The following ODAD2 variants were observed in gnomAD, a reference collection of about 807,000 sequenced individuals.
ODAD2 encodes outer dynein arm docking complex subunit 2.
ODAD2 carries 89 observed loss-of-function variants against 106.8 expected under a neutral mutation model. The observed-to-expected ratio is 0.83, with a 90% CI of 0.70 to 0.99. The LOEUF (loss-of-function observed/expected upper bound fraction) is 0.99. Among genes scored for constraint, ODAD2 ranks in the 50% least tolerant of loss-of-function variants. The pLI, the probability that ODAD2 is intolerant of heterozygous loss-of-function variation, is 0.00. For synonymous variants in ODAD2, 404 were observed against 436.2 expected, an observed-to-expected ratio of 0.93 and a Z score of 0.92; for missense variants, 1,168 against 1,238.5, an observed-to-expected ratio of 0.94 and a Z score of 0.85.
intron 17 of ODAD2, among the ~76,000 whole-genome samples, chr10:27,892,956 C>T (rs1842651886): frequency 6.6e-6 from 1 of 152,138 alleles, no homozygotes; most frequent in Non-Finnish European, 1.5e-5. Context: ...TGAGACCAGC[C>T]TGACCAACAT....
chr10:27,848,728 A>G (rs1839001409), intron 19 of ODAD2, among the ~76,000 whole-genome samples: 1 of 152,104 alleles, frequency 6.6e-6, no homozygotes, highest in African/African-American at 2.4e-5. Flanking sequence ...AACTCCATCA[A>G]AAAGTGGGCA....
chr10:27,857,395 T>C (rs1839732632), intron 19 of ODAD2, among the ~76,000 whole-genome samples: 1 of 152,192 alleles, frequency 6.6e-6, no homozygotes, highest in African/African-American at 2.4e-5. Context: ...AGTTAAGTTC[T>C]GGGGCAGTCA....
intron 3 of ODAD2, among the ~76,000 whole-genome samples, chr10:27,986,762 T>C (rs1849896884): frequency 6.6e-6 from 1 of 151,946 alleles, no homozygotes; most frequent in Non-Finnish European, 1.5e-5. Flanking sequence ...GCAACCACAT[T>C]CATTTTTTGC....
intron 12 of ODAD2, among the ~76,000 whole-genome samples, chr10:27,943,932 G>A (rs1400905317): frequency 6.6e-6 from 1 of 150,762 alleles, no homozygotes; most frequent in Non-Finnish European, 1.5e-5. Flanking sequence ...TACCTCCCAT[G>A]CATGTATACT....
intron 17 of ODAD2, among the ~76,000 whole-genome samples, chr10:27,888,005 G>A (rs907308879): frequency 7.9e-5 from 12 of 152,018 alleles, no homozygotes; most frequent in African/African-American, 2.9e-4. Context: ...CAGAAAATCT[G>A]AACAGATCAG....
intron 19 of ODAD2, among the ~76,000 whole-genome samples, chr10:27,847,809 C>T (rs909749324): frequency 1.3e-5 from 2 of 152,064 alleles, no homozygotes; most frequent in Non-Finnish European, 2.9e-5. Context: ...CATGAGTGAA[C>T]TCCCATTCAC....
At chr10:27,879,940 G>T (rs935232714) in intron 17 of ODAD2, among the ~76,000 whole-genome samples, 1 of 152,014 alleles carries the variant, frequency 6.6e-6, no homozygotes. Context: ...CTCATTTATC[G>T]AAGTTCCTCT....
intron 19 of ODAD2, among the ~76,000 whole-genome samples, chr10:27,858,595 T>C (rs1839821431): frequency 6.6e-6 from 1 of 152,118 alleles, no homozygotes; most frequent in South Asian, 2.1e-4. Context: ...TCTTATTGCC[T>C]TTCTTTTTCT....
intron 19 of ODAD2, among the ~76,000 whole-genome samples, chr10:27,852,960 C>CAAAAAAAAAAAAAAAAAA (rs61548333): frequency 1.2e-5 from 1 of 84,758 alleles, no homozygotes; most frequent in Non-Finnish European, 2.3e-5. Context: ...GACACAGTCT[C>CAAAAAAAAAAAAAAAAAA]AAAAAAAAAA....
chr10:27,962,583 G>C (rs1304852390), intron 9 of ODAD2, among the ~76,000 whole-genome samples: 2 of 152,350 alleles, frequency 1.3e-5, no homozygotes, highest in East Asian at 3.9e-4. Context: ...CAGGACCAAA[G>C]AGTTAACCAC....
At chr10:27,943,470 T>G (rs1265534370) in intron 12 of ODAD2, among the ~76,000 whole-genome samples, 1 of 152,084 alleles carries the variant, frequency 6.6e-6, no homozygotes, top group East Asian at 1.9e-4. Context: ...TTAAATATTA[T>G]ACATTTTATT....
At chr10:27,838,005 T>G (rs1838030164) in intron 19 of ODAD2, among the ~76,000 whole-genome samples, 1 of 152,170 alleles carries the variant, frequency 6.6e-6, no homozygotes, top group Non-Finnish European at 1.5e-5. Context: ...ACAAAGATCC[T>G]AAGAATCTAA....
At chr10:27,944,180 C>A in intron 12 of ODAD2, 42 bp downstream of exon 12, 1 of 1,534,596 alleles carries the variant, frequency 6.5e-7, no homozygotes, top group Admixed American at 1.9e-5. Context: ...TGTGCAGTGG[C>A]GGCTGGCACT....
intron 9 of ODAD2, among the ~76,000 whole-genome samples, chr10:27,967,095 C>A (rs1008291784): frequency 6.6e-6 from 1 of 151,126 alleles, no homozygotes; most frequent in African/African-American, 2.4e-5. Context: ...ATTCAAAGGG[C>A]CAGAAAAGGA....
intron 19 of ODAD2, among the ~76,000 whole-genome samples, chr10:27,815,876 TC>T (rs1373998292): frequency 1.3e-5 from 2 of 152,150 alleles, no homozygotes; most frequent in African/African-American, 4.8e-5. Flanking sequence ...ATCCAACACT[TC>T]TTAGCCATCT....
At chr10:27,823,770 C>A (rs1819585448) in intron 19 of ODAD2, among the ~76,000 whole-genome samples, 1 of 152,164 alleles carries the variant, frequency 6.6e-6, no homozygotes, top group South Asian at 2.1e-4. Flanking sequence ...AATACATTAA[C>A]ATAAGGTTCA....
Position 27,944,434 on chromosome 10 carries a change from G to T in ODAD2, c.1534-3C>A. Reference sequence around the variant, plus strand: ...TTCAGTATTTTTAATGAACCAATCTGTGTGAGAAAAAAAAAGATGAGTGGC... The same window carrying T: ...TTCAGTATTTTTAATGAACCAATCTTTGTGAGAAAAAAAAAGATGAGTGGC... On this transcript the variant is annotated splice_region_variant and splice_polypyrimidine_tract_variant and intron_variant, in intron 11 of 19. Transcript: ENST00000305242. 2 of 1,609,868 alleles carry T rather than the reference G, an allele frequency of 1.2e-6. No individual in the cohort carries two copies. The highest frequency in any genetic ancestry group is 1.7e-6 in the Non-Finnish European group (2 of 1,176,860).
Position 27,863,073 on chromosome 10 carries a change from T to A in ODAD2, c.2611-451A>T, listed in dbSNP as rs112841488. 8.4e-3 allele frequency among the ~76,000 whole-genome samples: 1,282 copies of A among 152,346 alleles called. 23 individuals are homozygous for A. Among genetic ancestry groups the A allele is most frequent in the African/African-American group, 0.029 (1,221 of 41,582 alleles). On this transcript the variant is annotated intron_variant, in intron 17 of 19. Coordinates refer to ENST00000305242, the MANE Select transcript of ODAD2 (RefSeq NM_018076.5). The stretch of plus-strand genomic sequence containing the variant: ...TACAACATTTTCATCAGTTGATGGA[T>A]ACATAACCTTGTTTTATGTGTATTT...
chr10:27,885,945 G>A (rs1842191672), intron 17 of ODAD2, among the ~76,000 whole-genome samples: 1 of 127,474 alleles, frequency 7.8e-6, no homozygotes, highest in Admixed American at 9.3e-5. Context: ...ACAAATTCTG[G>A]AACTGAAAAA....
Sources: allele counts gnomAD v4.1 joint callset (sites outside exome capture counted in the v4.1 genomes callset), GRCh38; gene constraint gnomAD v4.1.1; transcripts MANE v1.5; gene names NCBI Gene and HGNC (gene_info 2026-07-23, HGNC 2026-07-21).